PRPSAP1: variants seen among roughly 807,000 people sequenced by gnomAD.
The protein encoded by PRPSAP1 is phosphoribosyl pyrophosphate synthetase associated protein 1.
PRPSAP1 carries 31 observed loss-of-function variants against 39.4 expected under a neutral mutation model. The observed-to-expected ratio is 0.79, with a 90% CI of 0.59 to 1.06. The LOEUF (loss-of-function observed/expected upper bound fraction) is 1.06, where lower values mean the gene tolerates loss of function less well. Ranked by LOEUF, PRPSAP1 falls within the 50% of genes least tolerant of loss-of-function variation. The pLI is 0.00. For synonymous variants in PRPSAP1, 212 were observed against 192.6 expected (o/e 1.10, Z -0.83); for missense variants, 430 against 511.6 (o/e 0.84, Z 1.54).
intron 7 of PRPSAP1, among the ~76,000 whole-genome samples, chr17:76,325,551 C>T (rs1397116537): frequency 2.7e-5 from 4 of 150,486 alleles, no homozygotes; most frequent in African/African-American, 9.8e-5. Context: ...CCATCAACAT[C>T]GAGGCAAGAC....
At chr17:76,348,081 G>A (rs1415996257) in intron 2 of PRPSAP1, among the ~76,000 whole-genome samples, 1 of 152,108 alleles carries the variant, frequency 6.6e-6, no homozygotes, top group Non-Finnish European at 1.5e-5. Flanking sequence ...CAGCACTTTG[G>A]GAAGCTGCGG....
chr17:76,346,156 CT>C (rs1461056732), intron 2 of PRPSAP1: 7 of 248,880 alleles, frequency 2.8e-5, no homozygotes, highest in Non-Finnish European at 4.9e-5. Flanking sequence ...GTTTGAAATA[CT>C]ATTTTTTATC....
chr17:76,333,662 AAAAC>A (rs1326777976), intron 3 of PRPSAP1, among the ~76,000 whole-genome samples: 1 of 133,608 alleles, frequency 7.5e-6, no homozygotes, highest in Non-Finnish European at 1.5e-5. Context: ...AAAACAAAAC[AAAAC>A]AAACAAAAAA....
chr17:76,340,902 C>CA (rs576470881), intron 3 of PRPSAP1, among the ~76,000 whole-genome samples: 143 of 56,478 alleles, frequency 2.5e-3, no homozygotes, highest in Middle Eastern at 0.012. Context: ...AACTCCATCT[C>CA]AAAAAAAAAA....
At chr17:76,317,251 G>C (rs1028484832) in intron 7 of PRPSAP1, among the ~76,000 whole-genome samples, 2 of 152,194 alleles carry the variant, frequency 1.3e-5, no homozygotes. Context: ...TTGGGAGGCT[G>C]AGGCAGGAGA....
chr17:76,321,261 GAT>G (rs1352944120), intron 7 of PRPSAP1, among the ~76,000 whole-genome samples: 2 of 151,846 alleles, frequency 1.3e-5, no homozygotes, highest in African/African-American at 4.8e-5. Context: ...GCTCATATAA[GAT>G]AGCAAACTGG....
chr17:76,330,539 G>A lies in PRPSAP1; in HGVS notation c.579+12C>T, dbSNP rs960119746. ...TTTGAGGACAATGGGGTGTTTGCTGGTGGTTCCTCACTTCTTCCTGGATAT... is the reference window on the plus strand; with the variant it reads ...TTTGAGGACAATGGGGTGTTTGCTGATGGTTCCTCACTTCTTCCTGGATAT... On this transcript the variant is annotated intron_variant, in intron 5 of 9. Coordinates refer to ENST00000446526, the MANE Select transcript of PRPSAP1 (RefSeq NM_002766.3). 4 of 1,547,252 alleles carry A rather than the reference G, an allele frequency of 2.6e-6. No homozygotes were observed. In the African/African-American group the frequency reaches 5.5e-5, roughly 21 times the overall value.
At chr17:76,325,047 C>G (rs1567801185) in intron 7 of PRPSAP1, among the ~76,000 whole-genome samples, 1 of 136,782 alleles carries the variant, frequency 7.3e-6, no homozygotes, top group East Asian at 2.1e-4. Flanking sequence ...GCCTGGACGA[C>G]AGAGAGAGAC....
chr17:76,344,380 C>T (rs1316128750), intron 3 of PRPSAP1, among the ~76,000 whole-genome samples: 4 of 152,196 alleles, frequency 2.6e-5, no homozygotes, highest in Non-Finnish European at 5.9e-5. Flanking sequence ...CCGCCCGCCT[C>T]GGCCTCCCAA....
intron 7 of PRPSAP1, among the ~76,000 whole-genome samples, chr17:76,327,331 G>A (rs1234935419): frequency 1.4e-5 from 2 of 143,396 alleles, no homozygotes; most frequent in Non-Finnish European, 3.0e-5. Flanking sequence ...CTGGGCGACA[G>A]AACGAGTTCA....
intron 7 of PRPSAP1, among the ~76,000 whole-genome samples, chr17:76,319,928 C>A (rs2143466104): frequency 6.6e-6 from 1 of 152,184 alleles, no homozygotes; most frequent in African/African-American, 2.4e-5. Context: ...ACACAGGAGG[C>A]AGCTGCAAGG....
In PRPSAP1 at chr17:76,353,649, C is replaced by A. The variant is rs1348171556; in HGVS notation, c.55G>T (p.Val19Phe). Residue 19 changes from valine to phenylalanine, a missense_variant, in exon 1 of 10, where the codon GTC becomes TTC. Val to Phe is a conservative substitution (Grantham distance 50). Transcript: ENST00000446526. ...PPPSASSAFR[V>F]PRARPVPPPA... ...GGGGGAACGGGGCGGGCGCGCGGGA[C>A]GCGGAAAGCCGAGGACGCGGAGGGC... 1 of 1,531,452 alleles carries A rather than the reference C, an allele frequency of 6.5e-7. No individual in the cohort carries two copies. Among genetic ancestry groups the A allele is most frequent in the Admixed American group, 2.0e-5 (1 of 50,508 alleles). 94.9% of individuals were successfully genotyped at this position (1,531,452 alleles called of 1,614,324 possible).
At chr17:76,348,344 G>C (rs1054693194) in intron 2 of PRPSAP1, among the ~76,000 whole-genome samples, 185 bp downstream of exon 2, 1 of 151,468 alleles carries the variant, frequency 6.6e-6, no homozygotes, top group Non-Finnish European at 1.5e-5. Context: ...GTGGTGGCGG[G>C]CGTCTGTAAT....
intron 4 of PRPSAP1, 145 bp from the exon 5 acceptor site, chr17:76,330,811 T>C (rs553980584): frequency 7.8e-5 from 41 of 526,082 alleles, no homozygotes; most frequent in African/African-American, 1.2e-4. Flanking sequence ...ACAGGCTTGA[T>C]TGTTAACCTT....
chr17:76,330,390 T>C, intron 5 of PRPSAP1, 161 bp downstream of exon 5: 1 of 632,296 alleles, frequency 1.6e-6, no homozygotes. Flanking sequence ...TTTAAAGCTA[T>C]GATCGTCCAC....
intron 7 of PRPSAP1, among the ~76,000 whole-genome samples, chr17:76,323,469 G>A (rs778710301): frequency 1.3e-5 from 2 of 151,992 alleles, no homozygotes; most frequent in African/African-American, 2.4e-5. Context: ...AAGAACACGC[G>A]TGATTCATGG....
intron 7 of PRPSAP1, among the ~76,000 whole-genome samples, chr17:76,320,189 G>C (rs1292879604): frequency 6.6e-6 from 1 of 151,840 alleles, no homozygotes; most frequent in Non-Finnish European, 1.5e-5. Context: ...AGAATCACTT[G>C]AAACTGGAAA....
At position 76,340,035 on chromosome 17, in the gene PRPSAP1, A is replaced by G. The variant is rs988389368; in HGVS notation, c.290+4636T>C. 6.0e-5 allele frequency among the ~76,000 whole-genome samples: 9 copies of G among 150,998 alleles called. 1 individual carries two copies. The highest frequency in any genetic ancestry group is 2.2e-4 in the African/African-American group (9 of 40,598). On this transcript the variant is annotated intron_variant, in intron 3 of 9. Coordinates refer to ENST00000446526, the MANE Select transcript of PRPSAP1 (RefSeq NM_002766.3). ...AGCCCCAGCTACTTGGGAGGGTAAG[A>G]CGGTGGGTGCTGAGACAGGAGAATC...
chr17:76,329,495 G>A (rs111566067), intron 6 of PRPSAP1, among the ~76,000 whole-genome samples: 2,096 of 152,242 alleles, frequency 0.014, 58 homozygotes, highest in African/African-American at 0.048. Flanking sequence ...AGCACTTTGG[G>A]AGACCAAGGC....
Sources: allele counts gnomAD v4.1 joint callset (sites outside exome capture counted in the v4.1 genomes callset), GRCh38; gene constraint gnomAD v4.1.1; transcripts MANE v1.5; gene names NCBI Gene and HGNC (gene_info 2026-07-23, HGNC 2026-07-21).